Variants in ZFP30 observed in about 807,000 individuals in gnomAD.
ZFP30 encodes zinc finger protein 30 homolog.
ZFP30 carries 16 observed loss-of-function variants against 12.3 expected under a neutral mutation model. That is an observed-to-expected ratio of 1.30 (90% CI 0.88 to 1.98). ZFP30 has a LOEUF of 1.98. ZFP30 is among the 30% of genes most tolerant of loss of function. The pLI, the probability that ZFP30 is intolerant of heterozygous loss-of-function variation, is 0.00. For missense variants in ZFP30, 560 were observed against 611.2 expected, an observed-to-expected ratio of 0.92 and a Z score of 0.88; for synonymous variants, 172 against 201.0, an observed-to-expected ratio of 0.86 and a Z score of 1.22.
intron 2 of ZFP30, among the ~76,000 whole-genome samples, chr19:37,650,294 C>T (rs1161895013): frequency 2.6e-5 from 4 of 151,874 alleles, no homozygotes; most frequent in African/African-American, 4.8e-5. Flanking sequence ...TTTTTTACCG[C>T]GATGCAGTCT....
At chr19:37,652,107 ATT>A (rs1568388701) in intron 2 of ZFP30, among the ~76,000 whole-genome samples, 1 of 152,226 alleles carries the variant, frequency 6.6e-6, no homozygotes. Context: ...AACTGTAAAT[ATT>A]TGGAAGGTCT....
At chr19:37,636,795 C>CT (rs200400842) in intron 5 of ZFP30, among the ~76,000 whole-genome samples, 7,773 of 152,066 alleles carry the variant, frequency 0.051, 221 homozygotes, top group Middle Eastern at 0.11. Context: ...ACTGTAACCT[C>CT]TGCCTCCCAG....
intron 5 of ZFP30, among the ~76,000 whole-genome samples, chr19:37,642,552 A>AT (rs1156339131): frequency 6.6e-6 from 1 of 152,160 alleles, no homozygotes; most frequent in Non-Finnish European, 1.5e-5. Context: ...CCATTTACTG[A>AT]TTTTATTTAC....
chr19:37,651,932 A>C (rs2147292996), intron 2 of ZFP30, among the ~76,000 whole-genome samples: 1 of 152,340 alleles, frequency 6.6e-6, no homozygotes, highest in African/African-American at 2.4e-5. Flanking sequence ...ACTGAAAGAA[A>C]AAAAAAGTTT....
At chr19:37,636,348 A>C in intron 5 of ZFP30, 43 bp from the exon 6 acceptor site, 1 of 1,487,830 alleles carries the variant, frequency 6.7e-7, no homozygotes, top group Non-Finnish European at 8.9e-7. Context: ...TGTTCTACAC[A>C]AAATAAACAA....
chr19:37,640,002 G>C (rs1053481615), intron 5 of ZFP30, among the ~76,000 whole-genome samples: 7 of 152,136 alleles, frequency 4.6e-5, no homozygotes, highest in Non-Finnish European at 7.3e-5. Context: ...TCTTACTGCT[G>C]CAAGCAACTA....
chr19:37,654,914 T>C (rs1350920204), intron 1 of ZFP30, 35 bp from the exon 2 acceptor site: 2 of 151,958 alleles, frequency 1.3e-5, no homozygotes, highest in African/African-American at 4.8e-5. Context: ...GGGCAGAGGG[T>C]CAGCAGTCAC....
At chr19:37,655,506 C>CG (rs761581412), upstream of ZFP30, 29 of 152,446 alleles carry the variant, frequency 1.9e-4, no homozygotes, top group East Asian at 3.9e-4. Flanking sequence ...CGCTAGCGCG[C>CG]GGGGGGGCGG....
intron 5 of ZFP30, among the ~76,000 whole-genome samples, chr19:37,639,065 TG>T (rs1052225069): frequency 2.1e-4 from 32 of 152,316 alleles, no homozygotes; most frequent in African/African-American, 7.2e-4. Context: ...GGTAAATGAA[TG>T]GAACAGAAAA....
Position 37,646,306 on chromosome 19 carries a change from T to C in ZFP30, c.9+1508A>G, listed in dbSNP as rs926241623. Among the ~76,000 whole-genome samples the C allele has an allele frequency of 2.0e-5, 3 of 152,186 alleles. No individual in the cohort carries two copies. In the East Asian group the frequency reaches 5.8e-4, roughly 29 times the overall value. On this transcript the variant is annotated intron_variant, in intron 3 of 5. Transcript: ENST00000684514. Reference sequence around the variant, plus strand: ...CATCTGATGGATATGTTACACTTAATAGTGATTATATTTAGATATAGCTAT... The same window carrying C: ...CATCTGATGGATATGTTACACTTAACAGTGATTATATTTAGATATAGCTAT...
intron 2 of ZFP30, among the ~76,000 whole-genome samples, chr19:37,650,750 T>C (rs926670694): frequency 4.6e-5 from 7 of 151,876 alleles, no homozygotes; most frequent in South Asian, 2.1e-4. Context: ...TTTTTTTTTT[T>C]TTGAGACAGA....
At position 37,644,842 on chromosome 19, in the gene ZFP30, G is replaced by C. The variant is rs544320438; in HGVS notation, c.10-106C>G. 21 of 1,172,806 alleles carry C rather than the reference G, an allele frequency of 1.8e-5. No individual in the cohort carries two copies. The South Asian group carries it at 3.4e-4, about 19-fold the overall frequency. 72.6% of individuals were successfully genotyped at this position (1,172,806 alleles called of 1,614,324 possible). ...CTCAATGCTTATAATTCTAGCTTTG[G>C]GAGCCTGAAGCAGGAGGACTGCTTG... is the stretch of plus-strand genomic sequence containing the variant. On this transcript the variant is annotated intron_variant, in intron 3 of 5. Transcript: ENST00000684514.
At chr19:37,638,075 T>C (rs1428126878) in intron 5 of ZFP30, among the ~76,000 whole-genome samples, 1 of 152,184 alleles carries the variant, frequency 6.6e-6, no homozygotes, top group African/African-American at 2.4e-5. Flanking sequence ...ATCTAAGCTA[T>C]CTCAGTAAAA....
At chr19:37,645,243 AG>A (rs2044519937) in intron 3 of ZFP30, among the ~76,000 whole-genome samples, 1 of 152,062 alleles carries the variant, frequency 6.6e-6, no homozygotes, top group Non-Finnish European at 1.5e-5. Context: ...AAGTGGAAGA[AG>A]GGTTTTGATG....
rs1349997953 is a variant in ZFP30, at chr19:37,632,953, C to A, written c.*2028G>T. ...TTGGGAGGCCAAGGCAGGTGGATCA[C>A]CTGAGGTCAGGAGTTGAGACCAGCT... On this transcript the variant is annotated 3_prime_UTR_variant, in exon 6 of 6. Transcript: ENST00000684514. 2.0e-5 allele frequency: 3 copies of A among 152,218 alleles called. No individual in the cohort carries two copies. The highest frequency in any genetic ancestry group is 3.9e-4 in the East Asian group (2 of 5,182). 9.4% of individuals were successfully genotyped at this position (152,218 alleles called of 1,614,324 possible).
chr19:37,643,126 C>A, intron 5 of ZFP30, 139 bp downstream of exon 5: 2 of 570,370 alleles, frequency 3.5e-6, no homozygotes, highest in South Asian at 2.5e-5. Flanking sequence ...TCTTTGATGG[C>A]TCATGCTGAG....
chr19:37,639,125 C>T (rs1373131338), intron 5 of ZFP30, among the ~76,000 whole-genome samples: 1 of 151,674 alleles, frequency 6.6e-6, no homozygotes, highest in Non-Finnish European at 1.5e-5. Flanking sequence ...TCTCTGTCTC[C>T]CCATCCAAAA....
Position 37,653,118 on chromosome 19 carries a change from C to CA in ZFP30, c.-78+1593dup, listed in dbSNP as rs372066359. On this transcript the variant is annotated intron_variant, in intron 2 of 5. Coordinates refer to ENST00000684514, the MANE Select transcript of ZFP30 (RefSeq NM_001320669.3). Reference sequence around the variant, plus strand: ...GGCAACAAAATCGAAAACTCCGTCTCAAAAAAAAAAAAAAAAAGAAAGAAA... The same window carrying CA: ...GGCAACAAAATCGAAAACTCCGTCTCAAAAAAAAAAAAAAAAAAGAAAGAAA... Among the ~76,000 whole-genome samples the CA allele has an allele frequency of 6.5e-3, 315 of 48,390 alleles. 1 individual carries two copies. The highest frequency in any genetic ancestry group is 0.028 in the East Asian group (51 of 1,796). 31.7% of individuals were successfully genotyped at this position (48,390 alleles called of 152,430 possible). A position where few individuals can be genotyped will look rare whatever the true frequency, so the allele number is the denominator to read the frequency against.
chr19:37,655,042 C>T (rs1481025556), intron 1 of ZFP30, 163 bp from the exon 2 acceptor site: 1 of 152,300 alleles, frequency 6.6e-6, no homozygotes, highest in African/African-American at 2.4e-5. Flanking sequence ...ACCCCAGACA[C>T]CCACCCCAAA....
Sources: allele counts gnomAD v4.1 joint callset (sites outside exome capture counted in the v4.1 genomes callset), GRCh38; gene constraint gnomAD v4.1.1; transcripts MANE v1.5; gene names NCBI Gene and HGNC (gene_info 2026-07-23, HGNC 2026-07-21).